The following DLG2 variants were observed in gnomAD, a reference collection of about 807,000 sequenced individuals.
DLG2 encodes the protein disks large homolog 2.
Under a neutral mutation model 132.5 loss-of-function variants are expected in DLG2, and 45 were observed. The ratio of observed to expected loss-of-function variants is 0.34; its 90% CI spans 0.27 to 0.44. The LOEUF (loss-of-function observed/expected upper bound fraction) is 0.44. Ranked by LOEUF, DLG2 falls within the 20% of genes least tolerant of loss-of-function variation. The probability of loss-of-function intolerance (pLI) is 1.00; values close to 1 mark genes in which losing one functional copy is unlikely to be tolerated. For synonymous variants in DLG2, 424 were observed against 419.6 expected (o/e 1.01, Z -0.13); for missense variants, 1,045 against 1,196.9 (o/e 0.87, Z 1.87).
intron 6 of DLG2, among the ~76,000 whole-genome samples, chr11:84,870,931 TG>T (rs1246871043): frequency 1.3e-5 from 2 of 152,240 alleles, no homozygotes; most frequent in Non-Finnish European, 2.9e-5. Flanking sequence ...GAATCTATTA[TG>T]TAAAAGAACT....
intron 7 of DLG2, among the ~76,000 whole-genome samples, chr11:84,434,235 A>T (rs1482078911): frequency 6.6e-6 from 1 of 152,202 alleles, no homozygotes; most frequent in African/African-American, 2.4e-5. Context: ...TTTATTCAAT[A>T]TAGTTTATGT....
intron 3 of DLG2, among the ~76,000 whole-genome samples, chr11:85,406,050 C>T (rs1275488189): frequency 6.6e-6 from 1 of 151,880 alleles, no homozygotes; most frequent in Non-Finnish European, 1.5e-5. Flanking sequence ...GTAAATTTTA[C>T]CTCTTATGTC....
At chr11:84,191,005 A>G (rs1299209857) in intron 8 of DLG2, among the ~76,000 whole-genome samples, 3 of 152,250 alleles carry the variant, frequency 2.0e-5, no homozygotes, top group Non-Finnish European at 4.4e-5. Flanking sequence ...TAAGGGAAGA[A>G]TAAAGAACAT....
intron 9 of DLG2, among the ~76,000 whole-genome samples, chr11:84,138,456 C>T (rs910663274): frequency 2.6e-5 from 4 of 152,176 alleles, no homozygotes; most frequent in South Asian, 4.1e-4. Flanking sequence ...ATAGGTCAAA[C>T]GTGTGTTGTA....
At chr11:85,416,793 G>A (rs1371057309) in intron 3 of DLG2, among the ~76,000 whole-genome samples, 4 of 152,160 alleles carry the variant, frequency 2.6e-5, no homozygotes, top group Non-Finnish European at 5.9e-5. Flanking sequence ...CATTAATTTT[G>A]TATCCTGAAA....
intron 6 of DLG2, among the ~76,000 whole-genome samples, chr11:84,597,156 G>A (rs1231947594): frequency 6.6e-6 from 1 of 151,988 alleles, no homozygotes; most frequent in East Asian, 1.9e-4. Context: ...GGAGGCAGAG[G>A]TTGCAGTAAG....
At chr11:85,199,486 C>A (rs1255662785) in intron 4 of DLG2, among the ~76,000 whole-genome samples, 2 of 152,152 alleles carry the variant, frequency 1.3e-5, no homozygotes, top group East Asian at 3.9e-4. Flanking sequence ...AATCAAAGTT[C>A]ATTGAACCAA....
chr11:84,002,331 G>A (rs896572501), intron 11 of DLG2, among the ~76,000 whole-genome samples: 2 of 152,176 alleles, frequency 1.3e-5, no homozygotes, highest in African/African-American at 2.4e-5. Flanking sequence ...TCTTCTTACA[G>A]CTCAACTAGG....
At chr11:84,643,704 CAGA>C (rs1257739222) in intron 6 of DLG2, among the ~76,000 whole-genome samples, 4 of 152,160 alleles carry the variant, frequency 2.6e-5, no homozygotes, top group African/African-American at 9.7e-5. Flanking sequence ...GACTTCTCTA[CAGA>C]AGAATAGGTG....
At chr11:84,401,670 C>A in intron 7 of DLG2, among the ~76,000 whole-genome samples, 1 of 152,164 alleles carries the variant, frequency 6.6e-6, no homozygotes, top group East Asian at 1.9e-4. Context: ...TGGGTGGTGA[C>A]CCTAAATAAC....
chr11:85,493,200 G>C (rs1041070301), intron 3 of DLG2, among the ~76,000 whole-genome samples: 1 of 152,282 alleles, frequency 6.6e-6, no homozygotes, highest in South Asian at 2.1e-4. Flanking sequence ...GAGGTGCAAT[G>C]TATTAGATTA....
At chr11:84,502,279 CTTCTTTCTTTCTTTCT>C (rs1160344483) in intron 7 of DLG2, among the ~76,000 whole-genome samples, 1 of 20,416 alleles carries the variant, frequency 4.9e-5, no homozygotes, top group Admixed American at 4.8e-4. Context: ...TCCTTCCTTC[CTTCTTTCTTTCTTTCT>C]TTCTTTCTTT....
chr11:84,502,415 TA>T (rs974609013), intron 7 of DLG2, among the ~76,000 whole-genome samples: 36 of 99,828 alleles, frequency 3.6e-4, no homozygotes, highest in African/African-American at 8.8e-4. Flanking sequence ...TCTTTCTTTC[TA>T]TACAGAGTCT....
chr11:85,285,193 G>C (rs1565268024), intron 4 of DLG2, 27 bp downstream of exon 4: 2 of 1,601,334 alleles, frequency 1.2e-6, no homozygotes, highest in African/African-American at 1.3e-5. Flanking sequence ...GTATTATTCA[G>C]TTCTTTTGGA....
chr11:84,746,146 G>C (rs181999405), intron 6 of DLG2, among the ~76,000 whole-genome samples: 5 of 151,916 alleles, frequency 3.3e-5, no homozygotes, highest in Admixed American at 6.6e-5. Context: ...TTTGACAGCT[G>C]TGGGCAAGGG....
At chr11:83,758,323 C>T (rs1408458978) in intron 18 of DLG2, among the ~76,000 whole-genome samples, 1 of 152,098 alleles carries the variant, frequency 6.6e-6, no homozygotes, top group Non-Finnish European at 1.5e-5. Flanking sequence ...CCCCACAGAA[C>T]TATGCACCCC....
intron 22 of DLG2, among the ~76,000 whole-genome samples, chr11:83,482,389 T>C (rs1435461226): frequency 6.6e-6 from 1 of 152,082 alleles, no homozygotes; most frequent in Admixed American, 6.6e-5. Context: ...CAAAACTCTG[T>C]TCTCATTTCA....
At chr11:83,967,786 C>T (rs1169707129) in intron 12 of DLG2, among the ~76,000 whole-genome samples, 2 of 152,142 alleles carry the variant, frequency 1.3e-5, no homozygotes, top group Non-Finnish European at 2.9e-5. Context: ...TCCAAAACAA[C>T]ATTGTCAATG....
chr11:85,525,462 TG>T (rs2074672887), intron 3 of DLG2, among the ~76,000 whole-genome samples: 1 of 152,126 alleles, frequency 6.6e-6, no homozygotes, highest in African/African-American at 2.4e-5. Context: ...AAATAAAGAA[TG>T]TAAAGATTTT....
Sources: allele counts gnomAD v4.1 joint callset (sites outside exome capture counted in the v4.1 genomes callset), GRCh38; gene constraint gnomAD v4.1.1; transcripts MANE v1.5; gene names NCBI Gene and HGNC (gene_info 2026-07-23, HGNC 2026-07-21).